Variants in EXOC6B observed in about 807,000 individuals in gnomAD.
EXOC6B encodes the protein SEC15 homolog B.
EXOC6B carries 54 observed loss-of-function variants against 113.5 expected under a neutral mutation model. The observed-to-expected ratio is 0.48, with a 90% CI of 0.38 to 0.60. EXOC6B has a LOEUF of 0.60. Among genes scored for constraint, EXOC6B ranks in the 20% least tolerant of loss-of-function variants. EXOC6B has a pLI of 0.00. For missense variants in EXOC6B, 797 were observed against 977.5 expected (o/e 0.82, Z 2.46); for synonymous variants, 357 against 339.0 (o/e 1.05, Z -0.58).
At chr2:72,369,105 T>C (rs1417380814) in intron 19 of EXOC6B, among the ~76,000 whole-genome samples, 1 of 152,140 alleles carries the variant, frequency 6.6e-6, no homozygotes, top group Non-Finnish European at 1.5e-5. Context: ...TGATTGTATA[T>C]CTAGAAAACC....
chr2:72,436,707 T>G (rs1276565483), intron 18 of EXOC6B, among the ~76,000 whole-genome samples: 1 of 152,148 alleles, frequency 6.6e-6, no homozygotes, highest in Non-Finnish European at 1.5e-5. Flanking sequence ...ATGATTCTTG[T>G]GTATGCTTCA....
At chr2:72,181,305 C>T (rs906632839) in intron 21 of EXOC6B, among the ~76,000 whole-genome samples, 4 of 151,856 alleles carry the variant, frequency 2.6e-5, no homozygotes, top group Non-Finnish European at 4.4e-5. Context: ...ATATAAGGTA[C>T]GACCACCCAC....
intron 7 of EXOC6B, among the ~76,000 whole-genome samples, chr2:72,564,026 T>C (rs2103734374): frequency 6.6e-6 from 1 of 152,186 alleles, no homozygotes; most frequent in Admixed American, 6.5e-5. Flanking sequence ...GAAAGAAAAA[T>C]TATCTGCAGG....
chr2:72,516,390 G>A (rs565773480), intron 8 of EXOC6B, among the ~76,000 whole-genome samples: 1 of 152,190 alleles, frequency 6.6e-6, no homozygotes, highest in South Asian at 2.1e-4. Flanking sequence ...TGGGACTACA[G>A]GTGTGCGCCA....
chr2:72,544,437 T>C (rs1328505883), intron 8 of EXOC6B, among the ~76,000 whole-genome samples: 7 of 152,144 alleles, frequency 4.6e-5, no homozygotes, highest in Non-Finnish European at 1.0e-4. Flanking sequence ...TCAGGTCTCT[T>C]ACAAAGCAGC....
intron 20 of EXOC6B, among the ~76,000 whole-genome samples, chr2:72,203,560 C>T (rs1679629408): frequency 6.6e-6 from 1 of 152,170 alleles, no homozygotes; most frequent in Non-Finnish European, 1.5e-5. Context: ...ATTCATACAA[C>T]TAAAATGGTC....
intron 16 of EXOC6B, among the ~76,000 whole-genome samples, chr2:72,483,605 T>C (rs911195735): frequency 5.3e-5 from 8 of 152,200 alleles, no homozygotes; most frequent in Non-Finnish European, 1.2e-4. Flanking sequence ...TTGCTGAGCA[T>C]AGAATAGACT....
At chr2:72,235,633 A>G (rs1472309012) in intron 20 of EXOC6B, among the ~76,000 whole-genome samples, 2 of 151,726 alleles carry the variant, frequency 1.3e-5, no homozygotes, top group African/African-American at 4.9e-5. Flanking sequence ...AAACTGAGTG[A>G]AACATAAGAA....
At chr2:72,491,996 C>T (rs568348502) in intron 16 of EXOC6B, among the ~76,000 whole-genome samples, 22 of 152,192 alleles carry the variant, frequency 1.4e-4, no homozygotes, top group African/African-American at 5.1e-4. Flanking sequence ...TTGATTGGAA[C>T]CTGATGCTCA....
At chr2:72,492,537 C>A in intron 15 of EXOC6B, 108 bp from the exon 16 acceptor site, 1 of 611,314 alleles carries the variant, frequency 1.6e-6, no homozygotes, top group South Asian at 2.2e-5. Flanking sequence ...ATAATAGCAG[C>A]AGCAAATAAT....
intron 8 of EXOC6B, among the ~76,000 whole-genome samples, chr2:72,534,171 C>T (rs1229426470): frequency 6.6e-6 from 1 of 151,990 alleles, no homozygotes; most frequent in Non-Finnish European, 1.5e-5. Flanking sequence ...TATAAAATAG[C>T]TTACGGCTAT....
intron 11 of EXOC6B, among the ~76,000 whole-genome samples, chr2:72,500,631 C>G (rs1700267169): frequency 6.6e-6 from 1 of 151,822 alleles, no homozygotes; most frequent in Non-Finnish European, 1.5e-5. Context: ...AAAATAAGTA[C>G]AGAGGAAAAT....
In EXOC6B at chr2:72,768,938, C is replaced by T. The variant is rs1573766627; in HGVS notation, c.114-27469G>A. Among the ~76,000 whole-genome samples, 3 of 152,052 alleles carry T rather than the reference C, an allele frequency of 2.0e-5. No individual in the cohort carries two copies. The South Asian group carries it at 6.2e-4, about 32-fold the overall frequency. ...GACCAGCCTGGGCAACAAAGCTAAA[C>T]CCTGTCTCTACAAAAAAAAATTAGC... On this transcript the variant is annotated intron_variant, in intron 1 of 21. Transcript: ENST00000272427.
At chr2:72,585,553 C>G (rs187102796) in intron 6 of EXOC6B, among the ~76,000 whole-genome samples, 1 of 151,032 alleles carries the variant, frequency 6.6e-6, no homozygotes, top group Admixed American at 6.6e-5. Context: ...TCCGAGATCA[C>G]GCCATTGCAC....
intron 1 of EXOC6B, among the ~76,000 whole-genome samples, chr2:72,803,242 C>A (rs1006902910): frequency 6.6e-6 from 1 of 151,686 alleles, no homozygotes; most frequent in Non-Finnish European, 1.5e-5. Context: ...GAAATGACAT[C>A]TCAAAATAGT....
chr2:72,625,674 A>G (rs1311160256), intron 6 of EXOC6B, among the ~76,000 whole-genome samples: 1 of 152,092 alleles, frequency 6.6e-6, no homozygotes, highest in African/African-American at 2.4e-5. Context: ...AAATTCCTAC[A>G]CTTTTGTCCA....
intron 19 of EXOC6B, among the ~76,000 whole-genome samples, chr2:72,359,497 T>C (rs938794708): frequency 6.6e-6 from 1 of 152,140 alleles, no homozygotes; most frequent in Admixed American, 6.6e-5. Context: ...TCCAGAACTA[T>C]AGGAAATAAA....
chr2:72,641,332 A>C (rs1673213205), intron 6 of EXOC6B, among the ~76,000 whole-genome samples: 1 of 152,238 alleles, frequency 6.6e-6, no homozygotes, highest in Non-Finnish European at 1.5e-5. Flanking sequence ...GACAGACTGT[A>C]CCTGGAAAAT....
intron 6 of EXOC6B, among the ~76,000 whole-genome samples, chr2:72,630,668 GA>G (rs540685533): frequency 5.8e-4 from 87 of 149,770 alleles, no homozygotes; most frequent in Non-Finnish European, 9.8e-4. Flanking sequence ...ATTCCAAAAA[GA>G]AAAAAAAACT....
Sources: allele counts gnomAD v4.1 joint callset (sites outside exome capture counted in the v4.1 genomes callset), GRCh38; gene constraint gnomAD v4.1.1; transcripts MANE v1.5; gene names NCBI Gene and HGNC (gene_info 2026-07-23, HGNC 2026-07-21).